Variants in PHF2 observed in about 807,000 individuals in gnomAD.
The protein encoded by PHF2 is lysine-specific demethylase PHF2.
In PHF2, 27 loss-of-function variants were observed where a neutral mutation model predicts 120.5. That is an observed-to-expected ratio of 0.22 (90% confidence interval 0.17 to 0.31). PHF2 has a LOEUF of 0.31. PHF2 is among the 10% of genes least tolerant of loss of function. The pLI is 1.00. For missense variants in PHF2, 1,024 were observed against 1,434.8 expected (o/e 0.71, Z 4.63); for synonymous variants, 568 against 592.5 (o/e 0.96, Z 0.60).
At chr9:93,670,772 G>A (rs1237393970) in intron 17 of PHF2, among the ~76,000 whole-genome samples, 2 of 152,190 alleles carry the variant, frequency 1.3e-5, no homozygotes, top group African/African-American at 4.8e-5. Flanking sequence ...AGATTCTTCT[G>A]GAAGGAGGGG....
At chr9:93,605,107 G>A (rs545325377) in intron 1 of PHF2, among the ~76,000 whole-genome samples, 20 of 152,166 alleles carry the variant, frequency 1.3e-4, no homozygotes, top group Non-Finnish European at 8.8e-5. Context: ...CATTCATAGC[G>A]TCTTGCATTA....
chr9:93,649,349 CTGTTT>C, intron 5 of PHF2, 137 bp downstream of exon 5: 1 of 404,720 alleles, frequency 2.5e-6, no homozygotes, highest in Non-Finnish European at 4.3e-6. Flanking sequence ...CTGATTTTTA[CTGTTT>C]CTCTCTTTTA....
Position 93,660,261 on chromosome 9 carries a change from C to T in PHF2, c.1399C>T (p.Arg467Trp), listed in dbSNP as rs148936210. 91 of 1,608,060 alleles carry T rather than the reference C, an allele frequency of 5.7e-5. No individual in the cohort carries two copies. The highest frequency in any genetic ancestry group is 7.0e-5 in the Non-Finnish European group (82 of 1,178,168). ...GTCAGATGAGGTGTGTGACGGGGAC[C>T]GGGAGAAGGAGGAGCCCCCGTCTCC... ...ASSDEVCDGD[R>W]EKEEPPSPIE... The change falls in exon 12 of 22, where the codon CGG (arginine) becomes TGG (tryptophan). Residue 467 changes from arginine to tryptophan, a missense_variant. Arg to Trp is a moderately radical substitution (Grantham distance 101). Coordinates refer to ENST00000359246, the MANE Select transcript of PHF2 (RefSeq NM_005392.4).
chr9:93,618,392 C>T (rs184596207), intron 1 of PHF2, among the ~76,000 whole-genome samples: 1 of 152,358 alleles, frequency 6.6e-6, no homozygotes, highest in African/African-American at 2.4e-5. Flanking sequence ...CACGCATACG[C>T]ATGCATACAC....
chr9:93,653,127 A>G, intron 5 of PHF2, 52 bp from the exon 6 acceptor site: 1 of 1,549,994 alleles, frequency 6.5e-7, no homozygotes, highest in African/African-American at 1.4e-5. Flanking sequence ...CTGCAGGGGA[A>G]ATAAAAAAGG....
At chr9:93,663,130 T>A in intron 13 of PHF2, 104 bp downstream of exon 13, 3 of 1,459,984 alleles carry the variant, frequency 2.1e-6, no homozygotes, top group Non-Finnish European at 2.8e-6. Flanking sequence ...TGTGCAGACA[T>A]GTGTCTGCTT....
rs1424305387 is a variant in PHF2 at position 93,677,007 on chromosome 9, C to T, written c.3202+44C>T. On this transcript the variant is annotated intron_variant, in intron 21 of 21. Coordinates refer to ENST00000359246, the MANE Select transcript of PHF2 (RefSeq NM_005392.4). The surrounding 1 kb of genome is among the most constrained non-coding windows in gnomAD (Gnocchi z 4.4). ...GGAGCCTGCAGCCCCCCTGCCCTGC[C>T]TGCCCCCATGGGCAGCCCCAGACAT... The T allele has an allele frequency of 3.4e-6, 5 of 1,474,180 alleles. No homozygotes were observed. Among genetic ancestry groups the T allele is most frequent in the Admixed American group, 4.8e-5 (2 of 41,242 alleles). 91.3% of individuals were successfully genotyped at this position (1,474,180 alleles called of 1,614,324 possible). A position where few individuals can be genotyped will look rare whatever the true frequency, so the allele number is the denominator to read the frequency against.
chr9:93,620,678 T>C (rs563940754), intron 1 of PHF2, among the ~76,000 whole-genome samples: 7 of 152,244 alleles, frequency 4.6e-5, no homozygotes, highest in Admixed American at 2.0e-4. Flanking sequence ...TCTGCTAACA[T>C]GGCCTTGGGA....
chr9:93,674,865 G>C (rs1376726007), intron 18 of PHF2, 62 bp from the exon 19 acceptor site: 1 of 1,192,314 alleles, frequency 8.4e-7, no homozygotes, highest in Non-Finnish European at 1.2e-6. Flanking sequence ...GTACCCCCCC[G>C]CCCTCCTCCG....
intron 17 of PHF2, among the ~76,000 whole-genome samples, chr9:93,670,282 C>G (rs376849266): frequency 6.6e-6 from 1 of 152,142 alleles, no homozygotes; most frequent in African/African-American, 2.4e-5. Flanking sequence ...TAAGGTGGGG[C>G]GGGCTGCCTT....
At chr9:93,644,727 C>T (rs931837370) in intron 3 of PHF2, among the ~76,000 whole-genome samples, 1 of 152,172 alleles carries the variant, frequency 6.6e-6, no homozygotes, top group African/African-American at 2.4e-5. Flanking sequence ...TCTCAAGGAG[C>T]AGGAGGCAGC....
chr9:93,658,676 C>T (rs530308434), intron 10 of PHF2, among the ~76,000 whole-genome samples: 9 of 152,060 alleles, frequency 5.9e-5, no homozygotes, highest in Middle Eastern at 3.4e-3. Flanking sequence ...AGTGGCTGGC[C>T]CCAGGACAGG....
Position 93,676,477 on chromosome 9 carries a change from C to T in PHF2, c.2833-117C>T, listed in dbSNP as rs1024975105. Reference sequence around the variant, plus strand: ...CGGCCCAGAGTCAGGCCTCAGGCCCCTGCTGCCCAGCCCTGCTGTGCTCAA... The same window carrying T: ...CGGCCCAGAGTCAGGCCTCAGGCCCTTGCTGCCCAGCCCTGCTGTGCTCAA... On this transcript the variant is annotated intron_variant, in intron 20 of 21. Transcript: ENST00000359246. 6.9e-6 allele frequency: 9 copies of T among 1,303,612 alleles called. No individual in the cohort carries two copies. The Middle Eastern group carries it at 1.0e-3, about 144-fold the overall frequency. 80.8% of individuals were successfully genotyped at this position (1,303,612 alleles called of 1,614,324 possible). A position where few individuals can be genotyped will look rare whatever the true frequency, so the allele number is the denominator to read the frequency against.
Position 93,677,036 on chromosome 9 carries a change from G to C in PHF2, c.3202+73G>C. ...CCCCATGGGCAGCCCCAGACATGCA[G>C]ACTCGGCCCATGGTAGAGGGCAGCA... On this transcript the variant is annotated intron_variant, in intron 21 of 21. Transcript: ENST00000359246. The surrounding 1 kb of genome is among the most constrained non-coding windows in gnomAD (Gnocchi z 4.4). The C allele has an allele frequency of 7.0e-7, 1 of 1,431,618 alleles. No individual in the cohort carries two copies. Among genetic ancestry groups the C allele is most frequent in the African/African-American group, 1.4e-5 (1 of 69,708 alleles). The allele number at this position is 1,431,618 out of a possible 1,614,324, so 88.7% of individuals were successfully genotyped here.
rs1483416844 is a variant in PHF2 at position 93,679,231 on chromosome 9, A to T, written c.*1555A>T. On this transcript the variant is annotated 3_prime_UTR_variant, in exon 22 of 22. Coordinates refer to ENST00000359246, the MANE Select transcript of PHF2 (RefSeq NM_005392.4). ...AGGCAGCTTGGTGGAGGCCTTATCC[A>T]CTCCCACTTGTCCTGTTTGGAGGGA... The T allele has an allele frequency of 2.2e-6, 1 of 455,536 alleles. No individual in the cohort carries two copies. Among genetic ancestry groups the T allele is most frequent in the East Asian group, 7.0e-5 (1 of 14,368 alleles). The allele number at this position is 455,536 out of a possible 1,614,324, so 28.2% of individuals were successfully genotyped here.
intron 1 of PHF2, among the ~76,000 whole-genome samples, chr9:93,599,701 G>C (rs1306989376): frequency 6.6e-6 from 1 of 152,224 alleles, no homozygotes; most frequent in African/African-American, 2.4e-5. Flanking sequence ...GCCACCACGA[G>C]GGCTGATGTG....
rs539169635 is a variant in PHF2 at position 93,676,127 on chromosome 9, A to C, written c.2832+338A>C. Among the ~76,000 whole-genome samples, 4 of 152,250 alleles carry C rather than the reference A, an allele frequency of 2.6e-5. No homozygotes were observed. In the South Asian group the frequency reaches 8.3e-4, roughly 32 times the overall value. On this transcript the variant is annotated intron_variant, in intron 20 of 21. Transcript: ENST00000359246. ...ATGTGGGTGTTTTTGAGTTGTCCTC[A>C]GTTGGGAAATGAGGTGTTCTGTCTC...
intron 1 of PHF2, among the ~76,000 whole-genome samples, chr9:93,582,489 A>ATC (rs1862950381): frequency 6.6e-6 from 1 of 152,156 alleles, no homozygotes; most frequent in Non-Finnish European, 1.5e-5. Context: ...CCCTCTCTGC[A>ATC]TCTCTCCTTC....
At chr9:93,579,742 C>T (rs553432574) in intron 1 of PHF2, among the ~76,000 whole-genome samples, 10 of 152,330 alleles carry the variant, frequency 6.6e-5, no homozygotes, top group African/African-American at 1.7e-4. Flanking sequence ...CAGCCAGCCC[C>T]GTTTTGGGGA....
Sources: gnomAD v4.1 joint callset for allele counts (sites outside exome capture counted in the v4.1 genomes callset) on GRCh38, gnomAD v4.1.1 for gene constraint, Gnocchi (gnomAD v3.1) non-coding constraint, MANE v1.5 for transcripts, NCBI Gene and HGNC (gene_info 2026-07-23, HGNC 2026-07-21) for gene names.